Variants in SPAG9 observed in about 807,000 individuals in gnomAD.
SPAG9 encodes the protein C-Jun-amino-terminal kinase-interacting protein 4.
A neutral mutation model predicts 166.5 loss-of-function variants in SPAG9; 35 were observed. The ratio of observed to expected loss-of-function variants is 0.21; its 90% CI spans 0.16 to 0.28. The LOEUF is 0.28. Among genes scored for constraint, SPAG9 ranks in the 10% least tolerant of loss-of-function variants. SPAG9 has a pLI of 1.00. For missense variants in SPAG9, 1,235 were observed against 1,603.3 expected, an observed-to-expected ratio of 0.77 and a Z score of 3.92; for synonymous variants, 534 against 565.5, an observed-to-expected ratio of 0.94 and a Z score of 0.79.
In SPAG9 at chr17:51,010,581, A is replaced by AT. The variant is rs1567994367; in HGVS notation, c.1214-3256_1214-3255insA. 9.2e-3 allele frequency among the ~76,000 whole-genome samples: 1,204 copies of AT among 130,458 alleles called. 8 individuals carry two copies. The highest frequency in any genetic ancestry group is 0.018 in the African/African-American group (621 of 34,044). The allele number at this position is 130,458 out of a possible 152,430, so 85.6% of individuals were successfully genotyped here. On this transcript the variant is annotated intron_variant, in intron 9 of 29. Coordinates refer to ENST00000262013, the MANE Select transcript of SPAG9 (RefSeq NM_001130528.3). Reference sequence around the variant, plus strand: ...AAGGCAAGAAAAGAAAAAAAAAAAAAAATATATATATATATATATACATAT... The same window carrying AT: ...AAGGCAAGAAAAGAAAAAAAAAAAAATAATATATATATATATATATACATAT...
intron 3 of SPAG9, among the ~76,000 whole-genome samples, chr17:51,053,848 A>ATATAT (rs2047253920): frequency 3.1e-5 from 2 of 64,244 alleles, no homozygotes; most frequent in African/African-American, 1.5e-4. Context: ...AAAAAAAAAA[A>ATATAT]AAAAAAGTAT....
At position 51,120,247 on chromosome 17, in the gene SPAG9, G is replaced by T. The variant is rs750384456; in HGVS notation, c.303+107C>A. ...CCCAGGGGGCATCGGCCTCAGGCCC[G>T]CCCTCCAGGAGGCCCGTCGCGCCTC... On this transcript the variant is annotated intron_variant, in intron 1 of 29. Transcript: ENST00000262013. The surrounding 1 kb of genome is among the most constrained non-coding windows in gnomAD (Gnocchi z 4.7). The T allele has an allele frequency of 3.0e-5, 30 of 1,013,538 alleles. No homozygotes were observed. Among genetic ancestry groups the T allele is most frequent in the Non-Finnish European group, 3.9e-5 (29 of 735,844 alleles). The allele number at this position is 1,013,538 out of a possible 1,614,324, so 62.8% of individuals were successfully genotyped here.
Position 51,116,642 on chromosome 17 carries a change from T to C in SPAG9, c.303+3712A>G, listed in dbSNP as rs564770296. Among the ~76,000 whole-genome samples the C allele has an allele frequency of 1.4e-3, 211 of 152,120 alleles. 1 individual carries two copies. Among genetic ancestry groups the C allele is most frequent in the Middle Eastern group, 6.8e-3 (2 of 294 alleles). On this transcript the variant is annotated intron_variant, in intron 1 of 29. Transcript: ENST00000262013. Reference sequence around the variant, plus strand: ...AGCCCAGTGTGGTAACGCATGTCTGTGGTCCTAGCTACTCAGGAGGCTGAG... The same window carrying C: ...AGCCCAGTGTGGTAACGCATGTCTGCGGTCCTAGCTACTCAGGAGGCTGAG...
At chr17:51,064,546 T>A (rs1287953638) in intron 2 of SPAG9, among the ~76,000 whole-genome samples, 1 of 152,210 alleles carries the variant, frequency 6.6e-6, no homozygotes, top group East Asian at 1.9e-4. Context: ...TGACACATGC[T>A]ACAACATGAA....
In SPAG9 at chr17:51,037,557, G is replaced by A. The variant is rs1199469101; in HGVS notation, c.741+3944C>T. On this transcript the variant is annotated intron_variant, in intron 5 of 29. Transcript: ENST00000262013. ...GAACCTGGGAGGTGGAGGTTGCAGT[G>A]AGCCGAGATTGCACCATTGCACTCC... Among the ~76,000 whole-genome samples, 42 of 150,060 alleles carry A rather than the reference G, an allele frequency of 2.8e-4. No individual in the cohort carries two copies. The Admixed American group carries it at 2.8e-3, about 10-fold the overall frequency.
At chr17:51,016,531 T>G (rs2045704592) in intron 8 of SPAG9, among the ~76,000 whole-genome samples, 1 of 152,216 alleles carries the variant, frequency 6.6e-6, no homozygotes, top group Non-Finnish European at 1.5e-5. Flanking sequence ...TGCCAGTGAT[T>G]TAGTAACAGG....
At position 50,995,505 on chromosome 17, in the gene SPAG9, A is replaced by G; in HGVS notation, c.1997T>C (p.Met666Thr). 6.2e-7 allele frequency: 1 copy of G among 1,611,524 alleles called. No homozygotes were observed. Among genetic ancestry groups the G allele is most frequent in the Non-Finnish European group, 8.5e-7 (1 of 1,177,810 alleles). ...QVTNGQGENK[M>T]KNLPVPVYLR... ...ATAGACAGGCACAGGTAAATTTTTC[A>G]TCTTATTTTCACCTTGACCATTGGT... The change falls in exon 17 of 30, where the codon ATG (methionine) becomes ACG (threonine). Residue 666 changes from methionine to threonine, a missense_variant. By Grantham distance (81) the Met-to-Thr change is moderately conservative. Around this residue, in one of 6 missense-constraint regions of SPAG9, gnomAD observed 493 missense variants for 559.4 expected, o/e 0.88. Coordinates refer to ENST00000262013, the MANE Select transcript of SPAG9 (RefSeq NM_001130528.3).
intron 1 of SPAG9, among the ~76,000 whole-genome samples, chr17:51,111,126 AG>A (rs1272295232): frequency 6.6e-6 from 1 of 152,124 alleles, no homozygotes. Flanking sequence ...AAAAAAAAAA[AG>A]AAAAGAAAAC....
At chr17:51,102,359 A>G (rs962169785) in intron 1 of SPAG9, among the ~76,000 whole-genome samples, 4 of 151,290 alleles carry the variant, frequency 2.6e-5, no homozygotes, top group African/African-American at 9.7e-5. Context: ...AGCCAAGATC[A>G]TGACTCTTCA....
At chr17:51,085,224 G>T (rs1186093834) in intron 1 of SPAG9, 2 of 152,200 alleles carry the variant, frequency 1.3e-5, no homozygotes, top group East Asian at 3.8e-4. Context: ...TTATGAAGAT[G>T]CTGTGCTACT....
At chr17:50,967,991 G>A (rs951460838) in intron 29 of SPAG9, among the ~76,000 whole-genome samples, 2 of 152,166 alleles carry the variant, frequency 1.3e-5, no homozygotes, top group African/African-American at 4.8e-5. Context: ...ACCACATAGA[G>A]ATTTTATTAA....
intron 26 of SPAG9, among the ~76,000 whole-genome samples, chr17:50,977,562 G>C (rs1974292011): frequency 6.6e-6 from 1 of 152,072 alleles, no homozygotes; most frequent in Non-Finnish European, 1.5e-5. Flanking sequence ...TTTACTTAGG[G>C]AACTGTAAAA....
Position 50,990,452 on chromosome 17 carries a change from G to C in SPAG9, c.2615C>G (p.Pro872Arg). ...NGASPVMDKP[P>R]EMEAENSEVD... ...GCAGGTAAAGAGAATGGATATACCTGGTGGTTTATCCATCACTGGAGAAGC... is the reference window on the plus strand; with the variant it reads ...GCAGGTAAAGAGAATGGATATACCTCGTGGTTTATCCATCACTGGAGAAGC... The change falls in exon 20 of 30, where the codon CCA becomes CGA. Residue 872 changes from proline (P) to arginine (R), a missense_variant and splice_region_variant. Transcript: ENST00000262013. 6.2e-7 allele frequency: 1 copy of C among 1,602,508 alleles called. No individual in the cohort carries two copies. Among genetic ancestry groups the C allele is most frequent in the Non-Finnish European group, 8.6e-7 (1 of 1,169,346 alleles).
intron 2 of SPAG9, among the ~76,000 whole-genome samples, chr17:51,062,319 G>C (rs933411537): frequency 6.6e-6 from 1 of 152,068 alleles, no homozygotes; most frequent in Non-Finnish European, 1.5e-5. Context: ...GGGTACACTC[G>C]TGGTGTTGTA....
chr17:51,084,534 G>A (rs938865933), intron 1 of SPAG9, among the ~76,000 whole-genome samples: 3 of 152,084 alleles, frequency 2.0e-5, no homozygotes, highest in African/African-American at 4.8e-5. Context: ...CAGCCTCTGC[G>A]TAGCTGGGAC....
Position 51,070,072 on chromosome 17 carries a change from T to TAA in SPAG9, c.424+9510_424+9511dup, listed in dbSNP as rs11418069. Among the ~76,000 whole-genome samples the TAA allele has an allele frequency of 8.2e-4, 112 of 135,842 alleles. 1 individual carries two copies. Among genetic ancestry groups the TAA allele is most frequent in the Admixed American group, 3.3e-3 (45 of 13,582 alleles). 89.1% of individuals were successfully genotyped at this position (135,842 alleles called of 152,430 possible). On this transcript the variant is annotated intron_variant, in intron 2 of 29. Transcript: ENST00000262013. ...ACACAGGAATTAGACCCTCATCTCT[T>TAA]AAAAAAAAAAACAAAAAAAAAACCT...
chr17:50,975,482 C>T (rs1048624274), intron 27 of SPAG9: 10 of 248,384 alleles, frequency 4.0e-5, no homozygotes, highest in African/African-American at 1.1e-4. Flanking sequence ...TGGTGTGCTG[C>T]GTACTGTAAA....
rs1261228642 is a variant in SPAG9, at chr17:51,014,342, T to C, written c.1103A>G (p.Lys368Arg). The C allele has an allele frequency of 6.2e-7, 1 of 1,610,948 alleles. No individual in the cohort carries two copies. The highest frequency in any genetic ancestry group is 1.3e-5 in the African/African-American group (1 of 74,824). The part of the protein sequence containing the change: ...SGYKGSSTPT[K>R]GIENKAFDRN... ...ATCAAAAGCTTTGTTCTCTATGCCTTTGGTGGGAGTGCTATGCAACAAGAA... is the reference window on the plus strand; with the variant it reads ...ATCAAAAGCTTTGTTCTCTATGCCTCTGGTGGGAGTGCTATGCAACAAGAA... Residue 368 changes from lysine to arginine, a missense_variant, in exon 9 of 30, where the codon AAA (lysine) becomes AGA (arginine). By Grantham distance (26) the Lys-to-Arg change is conservative. Transcript: ENST00000262013.
chr17:51,071,488 T>TA (rs1180411902), intron 2 of SPAG9, among the ~76,000 whole-genome samples: 2 of 152,196 alleles, frequency 1.3e-5, no homozygotes, highest in Non-Finnish European at 2.9e-5. Context: ...TACAGCATTT[T>TA]AAAAAATCCT....
Sources: gnomAD v4.1 joint callset for allele counts (sites outside exome capture counted in the v4.1 genomes callset) on GRCh38, gnomAD v4.1.1 for gene constraint, gnomAD v4.1.1 regional missense constraint, Gnocchi (gnomAD v3.1) non-coding constraint, MANE v1.5 for transcripts, NCBI Gene and HGNC (gene_info 2026-07-23, HGNC 2026-07-21) for gene names.